Variants in APC observed in about 807,000 individuals in gnomAD.
APC encodes the protein adenomatous polyposis coli protein.
APC carries 72 observed loss-of-function variants against 247.0 expected under a neutral mutation model. That is an observed-to-expected ratio of 0.29 (90% CI 0.24 to 0.35). The LOEUF (loss-of-function observed/expected upper bound fraction) is 0.35, where lower values mean the gene tolerates loss of function less well. Ranked by LOEUF, APC falls within the 10% of genes least tolerant of loss-of-function variation. APC has a pLI of 1.00. For synonymous variants in APC, 1,254 were observed against 1,162.5 expected (o/e 1.08, Z -1.60); for missense variants, 3,400 against 3,360.7 (o/e 1.01, Z -0.29).
upstream of APC, among the ~76,000 whole-genome samples, chr5:112,734,053 T>C (rs1752235477): frequency 6.6e-6 from 1 of 152,188 alleles, no homozygotes; most frequent in Non-Finnish European, 1.5e-5. Context: ...CCCAGTCCTG[T>C]GTGGCTGCTC....
At chr5:112,743,226 C>T (rs1753248397) in intron 1 of APC, among the ~76,000 whole-genome samples, 1 of 152,182 alleles carries the variant, frequency 6.6e-6, no homozygotes, top group Admixed American at 6.5e-5. Flanking sequence ...ACCCTTCTGC[C>T]TCCTTCTTAA....
At chr5:112,707,925 T>A in intron 1 of APC, 1 of 1,321,436 alleles carries the variant, frequency 7.6e-7, no homozygotes, top group Non-Finnish European at 9.9e-7. Flanking sequence ...CCGGCAAAGC[T>A]TCCTCGGCTT....
chr5:112,833,371 C>G (rs1001633914), intron 14 of APC, among the ~76,000 whole-genome samples: 3 of 152,044 alleles, frequency 2.0e-5, no homozygotes, highest in African/African-American at 7.2e-5. Flanking sequence ...TTAGTAGAGA[C>G]AGGGTTTCAC....
rs1289888067 is a variant in APC, at chr5:112,717,902, C to CTTTTTTTTTT, written c.165+10025_165+10026insTTTTTTTTTT. Among the ~76,000 whole-genome samples the CTTTTTTTTTT allele has an allele frequency of 3.1e-4, 7 of 22,298 alleles. No homozygotes were observed. In the East Asian group the frequency reaches 3.8e-3, roughly 12 times the overall value. The allele number at this position is 22,298 out of a possible 152,430, so 14.6% of individuals were successfully genotyped here. A position where few individuals can be genotyped will look rare whatever the true frequency, so the allele number is the denominator to read the frequency against. On this transcript the variant is annotated intron_variant, in intron 1 of 13. Coordinates refer to the APC transcript ENST00000507379. The stretch of plus-strand genomic sequence containing the variant: ...TCTTACCTCTTTTCTTTTTCTTTTT[C>CTTTTTTTTTT]TTTTTCTTTTTTTTTTTTTTTTTTT...
At chr5:112,792,698 T>A (rs890660630) in intron 7 of APC, among the ~76,000 whole-genome samples, 169 bp downstream of exon 7, 1 of 152,232 alleles carries the variant, frequency 6.6e-6, no homozygotes, top group East Asian at 1.9e-4. Context: ...TTGGACTATT[T>A]TGATTTTATC....
intron 1 of APC, among the ~76,000 whole-genome samples, chr5:112,738,769 T>G (rs1277767906): frequency 6.6e-6 from 1 of 152,200 alleles, no homozygotes; most frequent in Non-Finnish European, 1.5e-5. Context: ...GAAAAAAAAT[T>G]ACTGTTTTTT....
chr5:112,843,013 T>A lies in APC; in HGVS notation c.7419T>A (p.Ser2473=), dbSNP rs1035582477. The change falls in exon 16 of 16, where the codon TCT becomes TCA. Residue 2473 remains serine (S), a synonymous_variant. Transcript: ENST00000257430. This position sits in a 1 kb window ranked among gnomAD's most constrained non-coding sequence, Gnocchi z 4.8. The part of the protein sequence containing the change: ...ESLSPSSRPA[S]PTRSQAQTPV... ...TTTCTCCATCATCTAGACCAGCTTC[T>A]CCCACTAGGTCCCAGGCACAAACTC... is the stretch of plus-strand genomic sequence containing the variant. 1 of 1,613,944 alleles carries A rather than the reference T, an allele frequency of 6.2e-7. No individual in the cohort carries two copies.
chr5:112,780,786 T>C lies in APC; in HGVS notation c.532-4T>C. On this transcript the variant is annotated splice_region_variant and splice_polypyrimidine_tract_variant and intron_variant, in intron 5 of 15. Coordinates refer to ENST00000257430, the MANE Select transcript of APC (RefSeq NM_000038.6). ...TGATACTTTTTTATTATTTGTGGTT[T>C]TAGTTTTCCTTACAAACAGATATGA... 1 of 1,593,182 alleles carries C rather than the reference T, an allele frequency of 6.3e-7. No individual in the cohort carries two copies. The highest frequency in any genetic ancestry group is 8.6e-7 in the Non-Finnish European group (1 of 1,162,026).
rs1210743410 is a variant in APC, at chr5:112,791,565, A to AG, written c.646-879dup. ...TTATGAGAATCTTATCTAATGCCTG[A>AG]GGACCTGAGGTGGAGCAGTTTTATC... On this transcript the variant is annotated intron_variant, in intron 6 of 15. Coordinates refer to ENST00000257430, the MANE Select transcript of APC (RefSeq NM_000038.6). 2.8e-4 allele frequency among the ~76,000 whole-genome samples: 43 copies of AG among 152,154 alleles called. 1 individual carries two copies. Among genetic ancestry groups the AG allele is most frequent in the Admixed American group, 2.8e-3 (43 of 15,280 alleles).
At chr5:112,761,905 A>G (rs986679477) in intron 2 of APC, among the ~76,000 whole-genome samples, 3 of 152,180 alleles carry the variant, frequency 2.0e-5, no homozygotes, top group Non-Finnish European at 4.4e-5. Flanking sequence ...AAAATTAAAA[A>G]CCTGTGCTTT....
At chr5:112,790,349 A>T (rs1202491042) in intron 6 of APC, among the ~76,000 whole-genome samples, 1 of 151,758 alleles carries the variant, frequency 6.6e-6, no homozygotes, top group Non-Finnish European at 1.5e-5. Flanking sequence ...TTGTTTTGAG[A>T]CGGAGTCTCA....
Position 112,755,036 on chromosome 5 carries a change from T to C in APC, c.135+11T>C. On this transcript the variant is annotated intron_variant, in intron 2 of 15. Transcript: ENST00000257430. ...GCATCTAATATGAAGGTATCAAGAC[T>C]GTGACTTTTAATTGTAGTTTATCCA... is the stretch of plus-strand genomic sequence containing the variant. 6.2e-7 allele frequency: 1 copy of C among 1,613,212 alleles called. No individual in the cohort carries two copies. The highest frequency in any genetic ancestry group is 8.5e-7 in the Non-Finnish European group (1 of 1,179,400).
chr5:112,738,212 TG>T, intron 1 of APC: 1 of 937,034 alleles, frequency 1.1e-6, no homozygotes. Flanking sequence ...AAGGGGTTTT[TG>T]TTTTTATAAT....
In APC at chr5:112,837,679, G is replaced by A. The variant is rs2149860192; in HGVS notation, c.2085G>A (p.Gln695=). The change falls in exon 16 of 16, where the codon CAG becomes CAA. Residue 695 remains glutamine (Q), a synonymous_variant. Transcript: ENST00000257430. ...WNLSARNPKD[Q]EALWDMGAVS... ...TCTCAGCAAGAAATCCTAAAGACCA[G>A]GAAGCATTATGGGACATGGGGGCAG... 3 of 1,614,152 alleles carry A rather than the reference G, an allele frequency of 1.9e-6. No homozygotes were observed. Among genetic ancestry groups the A allele is most frequent in the Middle Eastern group, 1.6e-4 (1 of 6,062 alleles).
intron 4 of APC, among the ~76,000 whole-genome samples, chr5:112,771,655 T>C (rs1757057800): frequency 6.6e-6 from 1 of 152,200 alleles, no homozygotes; most frequent in Admixed American, 6.5e-5. Context: ...TGGAAGCTTT[T>C]GAATGTTTTG....
intron 8 of APC, among the ~76,000 whole-genome samples, chr5:112,805,487 C>T (rs1276582294): frequency 6.6e-6 from 1 of 152,032 alleles, no homozygotes; most frequent in Non-Finnish European, 1.5e-5. Flanking sequence ...ATAGACTTGC[C>T]CACCATATTG....
intron 1 of APC, among the ~76,000 whole-genome samples, chr5:112,744,624 G>A (rs1431611211): frequency 1.3e-5 from 2 of 152,184 alleles, no homozygotes; most frequent in Non-Finnish European, 2.9e-5. Flanking sequence ...GGCCTTAAAG[G>A]ATGAGGATAT....
chr5:112,794,113 T>G (rs952074394), intron 7 of APC, among the ~76,000 whole-genome samples: 33 of 151,680 alleles, frequency 2.2e-4, no homozygotes, highest in African/African-American at 7.7e-4. Context: ...TAAGTAAGTC[T>G]CTTTAAAAAG....
chr5:112,804,898 T>A (rs1761213515), intron 8 of APC, among the ~76,000 whole-genome samples: 1 of 152,094 alleles, frequency 6.6e-6, no homozygotes, highest in Non-Finnish European at 1.5e-5. Context: ...GGAGGATCAC[T>A]TGAGCCTGGG....
Sources: gnomAD v4.1 joint callset for allele counts (sites outside exome capture counted in the v4.1 genomes callset) on GRCh38, gnomAD v4.1.1 for gene constraint, Gnocchi (gnomAD v3.1) non-coding constraint, MANE v1.5 for transcripts, NCBI Gene and HGNC (gene_info 2026-07-23, HGNC 2026-07-21) for gene names.